Variants in YTHDC2 observed in about 807,000 individuals in gnomAD.
YTHDC2 encodes the protein 3'-5' RNA helicase YTHDC2.
A neutral mutation model predicts 174.9 loss-of-function variants in YTHDC2; 45 were observed. The ratio of observed to expected loss-of-function variants is 0.26; its 90% CI spans 0.20 to 0.33. The LOEUF (loss-of-function observed/expected upper bound fraction) is 0.33, where lower values mean the gene tolerates loss of function less well. YTHDC2 is among the 10% of genes least tolerant of loss of function. The pLI, the probability that YTHDC2 is intolerant of heterozygous loss-of-function variation, is 1.00. For missense variants in YTHDC2, 1,650 were observed against 1,723.7 expected, an observed-to-expected ratio of 0.96 and a Z score of 0.76; for synonymous variants, 657 against 574.5, an observed-to-expected ratio of 1.14 and a Z score of -2.05.
intron 5 of YTHDC2, among the ~76,000 whole-genome samples, chr5:113,533,388 A>T (rs1231953523): frequency 5.3e-5 from 8 of 151,962 alleles, no homozygotes; most frequent in Non-Finnish European, 1.2e-4. Flanking sequence ...ACTAAAAAAA[A>T]AAAATACAAA....
chr5:113,589,395 TAAAAAAAA>T (rs1156968093), intron 26 of YTHDC2, among the ~76,000 whole-genome samples: 5 of 114,458 alleles, frequency 4.4e-5, no homozygotes, highest in African/African-American at 1.8e-4. Context: ...TTTTAAAAAT[TAAAAAAAA>T]AAAAAATATA....
At chr5:113,534,958 T>C (rs1774954500) in intron 6 of YTHDC2, among the ~76,000 whole-genome samples, 1 of 152,230 alleles carries the variant, frequency 6.6e-6, no homozygotes, top group African/African-American at 2.4e-5. Context: ...AAGCAGCTTT[T>C]AGAAACTTAC....
chr5:113,576,027 A>G (rs1270237199), intron 23 of YTHDC2, among the ~76,000 whole-genome samples: 1 of 152,194 alleles, frequency 6.6e-6, no homozygotes, highest in Admixed American at 6.5e-5. Context: ...AAAACGAAGG[A>G]GCAAGTCGTG....
intron 23 of YTHDC2, among the ~76,000 whole-genome samples, chr5:113,577,888 A>G (rs1282878238): frequency 6.6e-6 from 1 of 152,092 alleles, no homozygotes; most frequent in Non-Finnish European, 1.5e-5. Flanking sequence ...GAACTTTAGA[A>G]ACATTATTGC....
intron 16 of YTHDC2, among the ~76,000 whole-genome samples, chr5:113,555,246 A>G (rs1776522020): frequency 1.3e-5 from 2 of 152,082 alleles, no homozygotes; most frequent in Non-Finnish European, 2.9e-5. Context: ...GGTAGTGTCA[A>G]AAGTTATTTA....
intron 23 of YTHDC2, among the ~76,000 whole-genome samples, chr5:113,572,305 C>G (rs1208444004): frequency 2.0e-5 from 3 of 152,166 alleles, no homozygotes; most frequent in Non-Finnish European, 4.4e-5. Context: ...GTCTTGAGTT[C>G]TAATTTGATT....
At position 113,563,402 on chromosome 5, in the gene YTHDC2, C is replaced by T. The variant is rs760343463; in HGVS notation, c.2352C>T (p.Ala784=). 1 of 1,609,894 alleles carries T rather than the reference C, an allele frequency of 6.2e-7. No individual in the cohort carries two copies. Among genetic ancestry groups the T allele is most frequent in the Non-Finnish European group, 8.5e-7 (1 of 1,177,706 alleles). ...QELCLHTKLL[A]PVNCPIADFL... is the part of the protein sequence containing the mutation. ...TTTGCTTACATACCAAGCTGTTAGCCCCAGTTAATTGTCCCATTGCTGATT... is the reference window on the plus strand; with the variant it reads ...TTTGCTTACATACCAAGCTGTTAGCTCCAGTTAATTGTCCCATTGCTGATT... The change falls in exon 19 of 30, where the codon GCC becomes GCT. Residue 784 remains alanine, a synonymous_variant. Coordinates refer to ENST00000161863, the MANE Select transcript of YTHDC2 (RefSeq NM_022828.5).
chr5:113,553,169 TTTTTTTTTC>T lies in YTHDC2; in HGVS notation c.1689-11_1689-3del, dbSNP rs779554634. ...AAATTGACTTTGTCTTTTTTTTTTT[TTTTTTTTTC>T]AGTGCTACACTGGAATTTGGAAATC... On this transcript the variant is annotated splice_polypyrimidine_tract_variant and splice_region_variant and intron_variant, in intron 12 of 29. Transcript: ENST00000161863. The T allele has an allele frequency of 2.9e-6, 4 of 1,378,318 alleles. No individual in the cohort carries two copies. Among genetic ancestry groups the T allele is most frequent in the Middle Eastern group, 1.9e-4 (1 of 5,246 alleles). 85.4% of individuals were successfully genotyped at this position (1,378,318 alleles called of 1,614,324 possible).
Position 113,513,816 on chromosome 5 carries a change from G to T in YTHDC2, c.-80G>T, listed in dbSNP as rs1303921555. The T allele has an allele frequency of 8.3e-6, 12 of 1,449,326 alleles. No individual in the cohort carries two copies. In the East Asian group the frequency reaches 2.4e-4, roughly 29 times the overall value. 89.8% of individuals were successfully genotyped at this position (1,449,326 alleles called of 1,614,324 possible). On this transcript the variant is annotated 5_prime_UTR_variant, in exon 1 of 30. Coordinates refer to ENST00000161863, the MANE Select transcript of YTHDC2 (RefSeq NM_022828.5). ...TCCGGAGCTTCCCGGTAGTGGCCCC[G>T]GATTCCCACGGTCTTTGTCATTGGC...
At chr5:113,584,504 A>G (rs1421090190) in intron 26 of YTHDC2, 25 bp downstream of exon 26, 2 of 1,563,218 alleles carry the variant, frequency 1.3e-6, no homozygotes, top group Non-Finnish European at 1.7e-6. Flanking sequence ...AAGAAAATGT[A>G]GTAAGGAACA....
chr5:113,561,087 C>A lies in YTHDC2; in HGVS notation c.2224C>A (p.Arg742=), dbSNP rs2112706130. Reference sequence around the variant, plus strand: ...TTGTACTTTATTTTTAAGGGCAGGGCGATGTAGACCTGGAATTTGTTTTCG... The same window carrying A: ...TTGTACTTTATTTTTAAGGGCAGGGAGATGTAGACCTGGAATTTGTTTTCG... The part of the protein sequence containing the change: ...SAIQRKGRAG[R]CRPGICFRLF... The change falls in exon 18 of 30, where the codon CGA becomes AGA. Residue 742 remains arginine (R), a synonymous_variant. Transcript: ENST00000161863. The A allele has an allele frequency of 6.2e-7, 1 of 1,604,660 alleles. No individual in the cohort carries two copies. Among genetic ancestry groups the A allele is most frequent in the Admixed American group, 1.7e-5 (1 of 59,604 alleles).
intron 23 of YTHDC2, among the ~76,000 whole-genome samples, chr5:113,568,670 C>G (rs1028175706): frequency 6.6e-6 from 1 of 152,138 alleles, no homozygotes; most frequent in Non-Finnish European, 1.5e-5. Context: ...TAATGGCTTC[C>G]AACTTCAGCC....
chr5:113,592,231 T>C, intron 28 of YTHDC2, 53 bp downstream of exon 28: 1 of 1,497,988 alleles, frequency 6.7e-7, no homozygotes, highest in Non-Finnish European at 9.0e-7. Context: ...TTGTTTTCTG[T>C]TATCCAGTGC....
intron 2 of YTHDC2, among the ~76,000 whole-genome samples, 192 bp downstream of exon 2, chr5:113,515,554 C>T (rs931080904): frequency 9.9e-5 from 15 of 152,144 alleles, no homozygotes; most frequent in African/African-American, 3.1e-4. Context: ...CCTCTTCCCC[C>T]CTTTTTTGTT....
chr5:113,531,548 G>A (rs1774670200), intron 4 of YTHDC2, among the ~76,000 whole-genome samples: 1 of 151,972 alleles, frequency 6.6e-6, no homozygotes. Flanking sequence ...GTGTCTACGA[G>A]CTCAGCTTTT....
intron 10 of YTHDC2, 135 bp from the exon 11 acceptor site, chr5:113,548,406 C>T (rs1469394674): frequency 6.6e-6 from 5 of 753,052 alleles, no homozygotes; most frequent in Middle Eastern, 3.9e-4. Context: ...GTAGTGCTGT[C>T]ATTATGTAGT....
At chr5:113,583,385 AGGT>A (rs1778505758) in intron 25 of YTHDC2, 1 of 152,222 alleles carries the variant, frequency 6.6e-6, no homozygotes, top group African/African-American at 2.4e-5. Context: ...TCAAGGAACT[AGGT>A]CAGTGGTACT....
intron 2 of YTHDC2, among the ~76,000 whole-genome samples, chr5:113,516,320 A>G (rs1773423310): frequency 6.6e-6 from 1 of 152,200 alleles, no homozygotes; most frequent in Non-Finnish European, 1.5e-5. Context: ...ATTAGAAATG[A>G]TTTTAAAAAG....
chr5:113,580,997 A>T (rs917515889), intron 24 of YTHDC2, among the ~76,000 whole-genome samples: 7 of 152,066 alleles, frequency 4.6e-5, no homozygotes, highest in Non-Finnish European at 7.3e-5. Context: ...TATATTTTGC[A>T]ATCATTTAGG....
Sources: allele counts gnomAD v4.1 joint callset (sites outside exome capture counted in the v4.1 genomes callset), GRCh38; gene constraint gnomAD v4.1.1; transcripts MANE v1.5; gene names NCBI Gene and HGNC (gene_info 2026-07-23, HGNC 2026-07-21).